Variants in RIPK1 observed in about 807,000 individuals in gnomAD.
RIPK1 encodes the protein receptor-interacting serine/threonine-protein kinase 1.
RIPK1 carries 27 observed loss-of-function variants against 62.4 expected under a neutral mutation model. The ratio of observed to expected loss-of-function variants is 0.43; its 90% CI spans 0.32 to 0.60. RIPK1 has a LOEUF of 0.60. RIPK1 is among the 20% of genes least tolerant of loss of function. The pLI is 0.07. For missense variants in RIPK1, 735 were observed against 831.0 expected (o/e 0.88, Z 1.42); for synonymous variants, 287 against 303.2 (o/e 0.95, Z 0.55).
chr6:3,078,956 A>C (rs1355318902), intron 3 of RIPK1, among the ~76,000 whole-genome samples: 1 of 151,756 alleles, frequency 6.6e-6, no homozygotes, highest in South Asian at 2.1e-4. Flanking sequence ...TGTGTTGCCC[A>C]GGCTGGAGTG....
chr6:3,065,509 G>A (rs1238763961), upstream of RIPK1, among the ~76,000 whole-genome samples: 2 of 151,876 alleles, frequency 1.3e-5, no homozygotes, highest in East Asian at 1.9e-4. Context: ...AAATGTGGGC[G>A]TAGAGGGCAG....
At chr6:3,109,212 G>A (rs557837709) in intron 9 of RIPK1, among the ~76,000 whole-genome samples, 6 of 152,292 alleles carry the variant, frequency 3.9e-5, no homozygotes, top group African/African-American at 1.4e-4. Context: ...CAGATACAGA[G>A]CGGCGCAGGG....
intron 8 of RIPK1, among the ~76,000 whole-genome samples, chr6:3,104,947 G>A (rs1760766301): frequency 6.6e-6 from 1 of 152,066 alleles, no homozygotes; most frequent in African/African-American, 2.4e-5. Context: ...CGCCTTTCAG[G>A]TTCAAGCGAT....
At chr6:3,110,462 C>G (rs1251566412) in intron 9 of RIPK1, among the ~76,000 whole-genome samples, 1 of 152,098 alleles carries the variant, frequency 6.6e-6, no homozygotes, top group Non-Finnish European at 1.5e-5. Flanking sequence ...CCTGCATCAG[C>G]CTCCCAAAGT....
intron 7 of RIPK1, among the ~76,000 whole-genome samples, chr6:3,090,733 C>A (rs919232240): frequency 1.3e-5 from 2 of 152,040 alleles, no homozygotes; most frequent in Admixed American, 1.3e-4. Flanking sequence ...AACGGAAACA[C>A]AGGATACGCT....
chr6:3,096,567 TTTTTTTTTTTG>T (rs1760313085), intron 7 of RIPK1, among the ~76,000 whole-genome samples: 1 of 136,184 alleles, frequency 7.3e-6, no homozygotes, highest in South Asian at 2.6e-4. Context: ...TTTTTTTTTT[TTTTTTTTTTTG>T]AGACAGAGTC....
chr6:3,067,971 T>C (rs894881856), upstream of RIPK1: 1 of 153,144 alleles, frequency 6.5e-6, no homozygotes, highest in Non-Finnish European at 1.5e-5. Flanking sequence ...CTCGAACTGC[T>C]GACCTCAAGT....
chr6:3,114,608 T>G lies in RIPK1; in HGVS notation c.*1269T>G, dbSNP rs1761317430. 6.6e-6 allele frequency: 1 copy of G among 152,314 alleles called. No homozygotes were observed. Among genetic ancestry groups the G allele is most frequent in the South Asian group, 2.1e-4 (1 of 4,838 alleles). 9.4% of individuals were successfully genotyped at this position (152,314 alleles called of 1,614,324 possible). ...CGGAACAGATTCTGGTGTCTTGGGC[T>G]GATAACAGTGTTGTTGATTCTGATT... On this transcript the variant is annotated 3_prime_UTR_variant, in exon 11 of 11. Transcript: ENST00000259808. The surrounding 1 kb of genome is among the most constrained non-coding windows in gnomAD (Gnocchi z 5.0).
intron 7 of RIPK1, among the ~76,000 whole-genome samples, chr6:3,096,553 T>C (rs1230598966): frequency 2.7e-5 from 3 of 109,678 alleles, no homozygotes; most frequent in African/African-American, 1.7e-4. Flanking sequence ...ATCTCAAGTT[T>C]TTTTTTTTTT....
intron 7 of RIPK1, among the ~76,000 whole-genome samples, chr6:3,094,078 C>CGT (rs1561765104): frequency 1.6e-4 from 19 of 118,126 alleles, no homozygotes; most frequent in African/African-American, 1.2e-3. Context: ...GTAACTGCAG[C>CGT]GCGCCTACCT....
chr6:3,082,986 C>A, intron 4 of RIPK1, 99 bp from the exon 5 acceptor site: 1 of 1,147,082 alleles, frequency 8.7e-7, no homozygotes, highest in Non-Finnish European at 1.3e-6. Flanking sequence ...GAAAATTTAC[C>A]GTACCTTATG....
Position 3,077,884 on chromosome 6 carries a change from G to T in RIPK1, c.270G>T (p.Leu90=), listed in dbSNP as rs148872518. 80 of 1,614,084 alleles carry T rather than the reference G, an allele frequency of 5.0e-5. 1 individual carries two copies. In the African/African-American group the frequency reaches 1.1e-3, roughly 21 times the overall value. ...GVIIEEGKYS[L]VMEYMEKGNL... The stretch of plus-strand genomic sequence containing the variant: ...TCATAGAGGAAGGGAAGTACTCCCT[G>T]GTGATGGAGTACATGGAGAAGGGCA... The change falls in exon 3 of 11, where the codon CTG becomes CTT. Residue 90 remains leucine (L), a synonymous_variant. Transcript: ENST00000259808.
At chr6:3,079,532 C>T (rs1307781117) in intron 3 of RIPK1, among the ~76,000 whole-genome samples, 3 of 152,174 alleles carry the variant, frequency 2.0e-5, no homozygotes, top group Non-Finnish European at 4.4e-5. Flanking sequence ...AGAGAGAATA[C>T]CATGTAGAGA....
At chr6:3,104,374 A>G in intron 8 of RIPK1, 59 bp downstream of exon 8, 1 of 920,816 alleles carries the variant, frequency 1.1e-6, no homozygotes. Context: ...CATTCACTCC[A>G]CTCTCTAAAA....
chr6:3,094,789 A>G (rs1157511936), intron 7 of RIPK1, among the ~76,000 whole-genome samples: 1 of 152,136 alleles, frequency 6.6e-6, no homozygotes, highest in African/African-American at 2.4e-5. Flanking sequence ...TAAGACTGAT[A>G]GAGCCAGGTG....
intron 5 of RIPK1, 88 bp from the exon 6 acceptor site, chr6:3,085,171 C>A: frequency 1.4e-6 from 2 of 1,433,326 alleles, no homozygotes; most frequent in Non-Finnish European, 1.9e-6. Flanking sequence ...GTACCAGAGG[C>A]TGAGAAAAAT....
intron 9 of RIPK1, among the ~76,000 whole-genome samples, chr6:3,106,754 A>G (rs1029659981): frequency 6.6e-6 from 1 of 152,244 alleles, no homozygotes; most frequent in Non-Finnish European, 1.5e-5. Flanking sequence ...GTCCTATGCA[A>G]ACATCCTCGA....
intron 3 of RIPK1, among the ~76,000 whole-genome samples, chr6:3,080,535 G>A (rs1232821548): frequency 2.0e-5 from 3 of 152,042 alleles, no homozygotes; most frequent in African/African-American, 2.4e-5. Context: ...TTTTACACGC[G>A]ACATTTGCAT....
At position 3,105,993 on chromosome 6, in the gene RIPK1, T is replaced by C; in HGVS notation, c.1518T>C (p.Pro506=). 11 of 1,613,958 alleles carry C rather than the reference T, an allele frequency of 6.8e-6. No individual in the cohort carries two copies. Among genetic ancestry groups the C allele is most frequent in the Non-Finnish European group, 9.3e-6 (11 of 1,179,820 alleles). The change falls in exon 9 of 11, where the codon CCT becomes CCC. Residue 506 remains proline, a synonymous_variant. Coordinates refer to ENST00000259808, the MANE Select transcript of RIPK1 (RefSeq NM_001354930.2). The surrounding 1 kb of genome is among the most constrained non-coding windows in gnomAD (Gnocchi z 4.5). ...HMPSLHNIPV[P]ETNYLGNTPT... is the part of the protein sequence containing the mutation. ...CTAGTCTGCATAATATCCCAGTGCC[T>C]GAGACCAACTATCTAGGAAATACAC...
Sources: gnomAD v4.1 joint callset for allele counts (sites outside exome capture counted in the v4.1 genomes callset) on GRCh38, gnomAD v4.1.1 for gene constraint, Gnocchi (gnomAD v3.1) non-coding constraint, MANE v1.5 for transcripts, NCBI Gene and HGNC (gene_info 2026-07-23, HGNC 2026-07-21) for gene names.